The following PPIC variants were observed in gnomAD, a reference collection of about 807,000 sequenced individuals.
PPIC encodes the protein peptidylprolyl isomerase C.
Under a neutral mutation model 19.5 loss-of-function variants are expected in PPIC, and 19 were observed. The ratio of observed to expected loss-of-function variants is 0.98; its 90% CI spans 0.68 to 1.43. The LOEUF (loss-of-function observed/expected upper bound fraction) is 1.43, where lower values mean the gene tolerates loss of function less well. Among genes scored for constraint, PPIC ranks in the 40% most tolerant of loss-of-function variants. PPIC has a pLI of 0.00. For missense variants in PPIC, 268 were observed against 268.6 expected, an observed-to-expected ratio of 1.00 and a Z score of 0.02; for synonymous variants, 107 against 101.2, an observed-to-expected ratio of 1.06 and a Z score of -0.34.
intron 1 of PPIC, among the ~76,000 whole-genome samples, chr5:123,033,983 G>A (rs1762972397): frequency 6.6e-6 from 1 of 152,220 alleles, no homozygotes; most frequent in Non-Finnish European, 1.5e-5. Flanking sequence ...GGCTGGGGCA[G>A]GAAGCTGCCA....
Position 123,025,813 on chromosome 5 carries a change from CA to C in PPIC, c.480del (p.His160GlnfsTer11). On this transcript the variant is annotated frameshift_variant, in exon 4 of 5. Coordinates refer to ENST00000306442, the MANE Select transcript of PPIC (RefSeq NM_000943.5). LOFTEE classifies it high-confidence loss of function. ...CCATCAATGACTTTTCCAAACACCA[CA>C]TGTTTGCCGTCCAACCAGGTGGGCT... Reference protein sequence around the residue: ...LTKPTWLDGKHVVFGKVIDGM... With the variant: ...LTKPTWLDGKXVVFGKVIDGM... 3 of 1,613,832 alleles carry C rather than the reference CA, an allele frequency of 1.9e-6. No individual in the cohort carries two copies. Among genetic ancestry groups the C allele is most frequent in the Non-Finnish European group, 1.7e-6 (2 of 1,179,954 alleles).
intron 3 of PPIC, among the ~76,000 whole-genome samples, chr5:123,026,209 T>C (rs1762850906): frequency 6.6e-6 from 1 of 152,166 alleles, no homozygotes; most frequent in Non-Finnish European, 1.5e-5. Flanking sequence ...AGTGGGATAC[T>C]CTCTGGCCTC....
Position 123,029,298 on chromosome 5 carries a change from G to A in PPIC, c.231+7C>T. On this transcript the variant is annotated splice_region_variant and intron_variant, in intron 2 of 4. Transcript: ENST00000306442. The stretch of plus-strand genomic sequence containing the variant: ...CCCAATTTAAAGGAAATAAAATTGA[G>A]ACATACCTCTCCTGTTGCTAGAGCA... The A allele has an allele frequency of 2.5e-6, 4 of 1,614,052 alleles. No homozygotes were observed. The highest frequency in any genetic ancestry group is 3.4e-6 in the Non-Finnish European group (4 of 1,179,978).
chr5:123,029,551 G>A, intron 1 of PPIC, 133 bp from the exon 2 acceptor site: 2 of 1,389,234 alleles, frequency 1.4e-6, no homozygotes, highest in Non-Finnish European at 1.9e-6. Context: ...AAAGGAGCAT[G>A]ACATCAATTA....
Position 123,023,862 on chromosome 5 carries a change from T to C in PPIC, c.*13A>G, listed in dbSNP as rs367741833. On this transcript the variant is annotated 3_prime_UTR_variant, in exon 5 of 5. Transcript: ENST00000306442. ...CCCCTGCCAAAGCATATCCTTGTTT[T>C]CTGCCAGTTGTGTCACCAATCAGCG... 6.2e-6 allele frequency: 10 copies of C among 1,606,846 alleles called. No homozygotes were observed. Among genetic ancestry groups the C allele is most frequent in the Non-Finnish European group, 8.5e-6 (10 of 1,175,586 alleles).
chr5:123,025,778 A>G lies in PPIC; in HGVS notation c.510+6T>C. 2 of 1,611,246 alleles carry G rather than the reference A, an allele frequency of 1.2e-6. No homozygotes were observed. Among genetic ancestry groups the G allele is most frequent in the Non-Finnish European group, 1.7e-6 (2 of 1,179,274 alleles). On this transcript the variant is annotated splice_donor_region_variant and intron_variant, in intron 4 of 4. Coordinates refer to ENST00000306442, the MANE Select transcript of PPIC (RefSeq NM_000943.5). ...GCTTTGAAAGGAAAAAAATGTATCA[A>G]TTTACCATCCCATCAATGACTTTTC...
intron 1 of PPIC, among the ~76,000 whole-genome samples, chr5:123,031,774 G>A (rs554763558): frequency 2.0e-5 from 3 of 152,138 alleles, no homozygotes; most frequent in South Asian, 2.1e-4. Flanking sequence ...GGAAATGTAC[G>A]AGGGAGACAG....
rs372678103 is a variant in PPIC, at chr5:123,036,646, C to G, written c.-21G>C. On this transcript the variant is annotated 5_prime_UTR_variant, in exon 1 of 5. Transcript: ENST00000306442. This position sits in a 1 kb window ranked among gnomAD's most constrained non-coding sequence, Gnocchi z 4.5. ...CCCATGGTGAGCGGTGGCAGCGGCG[C>G]TACCGGCACGGGCGCTACCGGCACG... 1 of 1,557,436 alleles carries G rather than the reference C, an allele frequency of 6.4e-7. No homozygotes were observed. Among genetic ancestry groups the G allele is most frequent in the African/African-American group, 1.4e-5 (1 of 73,572 alleles).
At chr5:123,033,809 A>C (rs1021122217) in intron 1 of PPIC, among the ~76,000 whole-genome samples, 1 of 152,234 alleles carries the variant, frequency 6.6e-6, no homozygotes, top group Non-Finnish European at 1.5e-5. Context: ...TGTGCTTGCA[A>C]GCTGTAATAT....
Position 123,023,807 on chromosome 5 carries a change from A to AACACTC in PPIC, c.*67_*68insGAGTGT. 7.7e-7 allele frequency: 1 copy of AACACTC among 1,293,846 alleles called. No individual in the cohort carries two copies. Among genetic ancestry groups the AACACTC allele is most frequent in the Non-Finnish European group, 1.0e-6 (1 of 979,788 alleles). The allele number at this position is 1,293,846 out of a possible 1,614,324, so 80.1% of individuals were successfully genotyped here. ...AAAGCAAATAATTGAAAGACAACAC[A>AACACTC]ACACACACACACACACACACACACA... On this transcript the variant is annotated 3_prime_UTR_variant, in exon 5 of 5. Transcript: ENST00000306442.
chr5:123,024,007 G>A lies in PPIC; in HGVS notation c.511-4C>T, dbSNP rs377359324. ...GCTCTATGGAGTGCACCACTGTCTG[G>A]TGAGAGAAAAGTAGACACATGGTTT... On this transcript the variant is annotated splice_region_variant and splice_polypyrimidine_tract_variant and intron_variant, in intron 4 of 4. Coordinates refer to ENST00000306442, the MANE Select transcript of PPIC (RefSeq NM_000943.5). The A allele has an allele frequency of 1.2e-6, 2 of 1,611,434 alleles. No individual in the cohort carries two copies. Among genetic ancestry groups the A allele is most frequent in the African/African-American group, 2.7e-5 (2 of 74,808 alleles).
chr5:123,036,613 G>C lies in PPIC; in HGVS notation c.13C>G (p.Pro5Ala). The C allele has an allele frequency of 1.3e-6, 2 of 1,589,770 alleles. No individual in the cohort carries two copies. The highest frequency in any genetic ancestry group is 1.7e-6 in the Non-Finnish European group (2 of 1,169,730). The change falls in exon 1 of 5, where the codon CCT becomes GCT. Residue 5 changes from proline to alanine, a missense_variant. Coordinates refer to ENST00000306442, the MANE Select transcript of PPIC (RefSeq NM_000943.5). This position sits in a 1 kb window ranked among gnomAD's most constrained non-coding sequence, Gnocchi z 4.5. Reference sequence around the variant, plus strand: ...AGCACGAGAGGTAGCAGCAGCCGAGGACCCGGGCCCATGGTGAGCGGTGGC... The same window carrying C: ...AGCACGAGAGGTAGCAGCAGCCGAGCACCCGGGCCCATGGTGAGCGGTGGC... MGPGPRLLLPLVLCV... is the reference protein window; with the variant it reads MGPGARLLLPLVLCV...
chr5:123,025,769 A>G lies in PPIC; in HGVS notation c.510+15T>C, dbSNP rs1762841844. ...AAATATAAAGCTTTGAAAGGAAAAA[A>G]ATGTATCAATTTACCATCCCATCAA... On this transcript the variant is annotated intron_variant, in intron 4 of 4. Transcript: ENST00000306442. 6 of 1,607,900 alleles carry G rather than the reference A, an allele frequency of 3.7e-6. No homozygotes were observed. Among genetic ancestry groups the G allele is most frequent in the Non-Finnish European group, 5.1e-6 (6 of 1,178,014 alleles).
intron 3 of PPIC, among the ~76,000 whole-genome samples, chr5:123,027,840 A>G (rs1456566846): frequency 6.6e-6 from 1 of 152,244 alleles, no homozygotes; most frequent in African/African-American, 2.4e-5. Context: ...GGAGTTACAT[A>G]TATGGTGTAT....
chr5:123,030,100 C>T (rs2150189901), intron 1 of PPIC, among the ~76,000 whole-genome samples: 1 of 152,310 alleles, frequency 6.6e-6, no homozygotes, highest in East Asian at 1.9e-4. Flanking sequence ...CCTGTAAACT[C>T]AGACACTGAA....
intron 1 of PPIC, among the ~76,000 whole-genome samples, chr5:123,032,405 GA>G (rs1471395185): frequency 1.3e-5 from 2 of 152,196 alleles, no homozygotes; most frequent in Non-Finnish European, 2.9e-5. Flanking sequence ...TCGAGCCAGG[GA>G]AACCCTAAGG....
intron 3 of PPIC, 137 bp downstream of exon 3, chr5:123,028,638 C>CCATCCTT (rs1395458380): frequency 9.4e-6 from 6 of 639,620 alleles, no homozygotes; most frequent in Non-Finnish European, 1.6e-5. Context: ...CCCCAAAACT[C>CCATCCTT]CATCCTTCTC....
At chr5:123,034,224 C>G (rs541505467) in intron 1 of PPIC, among the ~76,000 whole-genome samples, 1 of 152,302 alleles carries the variant, frequency 6.6e-6, no homozygotes, top group East Asian at 1.9e-4. Context: ...ATTTAGTTGT[C>G]TTTACAAGTT....
Position 123,023,703 on chromosome 5 carries a change from G to T in PPIC, c.*172C>A. 9.4e-7 allele frequency: 1 copy of T among 1,061,300 alleles called. No individual in the cohort carries two copies. The highest frequency in any genetic ancestry group is 1.2e-6 in the Non-Finnish European group (1 of 818,436). 65.7% of individuals were successfully genotyped at this position (1,061,300 alleles called of 1,614,324 possible). ...AAGCAGGTGGTTTACTAAAGTTCAA[G>T]CAAACTAAAGGGTGACGGTTTGATT... On this transcript the variant is annotated 3_prime_UTR_variant, in exon 5 of 5. Transcript: ENST00000306442.
Sources: gnomAD v4.1 joint callset for allele counts (sites outside exome capture counted in the v4.1 genomes callset) on GRCh38, gnomAD v4.1.1 for gene constraint, Gnocchi (gnomAD v3.1) non-coding constraint, MANE v1.5 for transcripts, NCBI Gene and HGNC (gene_info 2026-07-23, HGNC 2026-07-21) for gene names.